ERICH6B: variants seen among roughly 807,000 people sequenced by gnomAD.
The protein encoded by ERICH6B is glutamate rich 6B, also known as glutamate-rich protein 6B.
ERICH6B carries 69 observed loss-of-function variants against 80.0 expected under a neutral mutation model. That is an observed-to-expected ratio of 0.86 (90% confidence interval 0.71 to 1.05). The LOEUF is 1.05. Ranked by LOEUF, ERICH6B falls within the 50% of genes least tolerant of loss-of-function variation. The pLI is 0.00. For missense variants in ERICH6B, 754 were observed against 796.1 expected, an observed-to-expected ratio of 0.95 and a Z score of 0.64; for synonymous variants, 283 against 291.9, an observed-to-expected ratio of 0.97 and a Z score of 0.31.
chr13:45,556,069 C>T (rs1429658955), intron 11 of ERICH6B, among the ~76,000 whole-genome samples: 4 of 151,196 alleles, frequency 2.6e-5, no homozygotes, highest in African/African-American at 4.9e-5. Flanking sequence ...TCCCTGATTA[C>T]TCTATAGGCA....
intron 5 of ERICH6B, among the ~76,000 whole-genome samples, chr13:45,582,880 C>A (rs1875732979): frequency 6.6e-6 from 1 of 152,166 alleles, no homozygotes; most frequent in South Asian, 2.1e-4. Context: ...GACCTAAAAG[C>A]CAGTATTATG....
intron 3 of ERICH6B, among the ~76,000 whole-genome samples, chr13:45,591,495 C>T (rs1032448439): frequency 6.6e-6 from 1 of 152,158 alleles, no homozygotes; most frequent in African/African-American, 2.4e-5. Context: ...ACTCGGGAGG[C>T]TGAGTCAGGA....
Position 45,550,236 on chromosome 13 carries a change from C to A in ERICH6B, c.1488G>T (p.Gln496His). ...CCCTGTGCTTCTGTGGATACTGTAT[C>A]TGGCCTGTCCCATCAGGAAAGAGAA... ...YQILFPDGTG[Q>H]IHYPSGNLAM... Residue 496 changes from glutamine (Q) to histidine (H), a missense_variant, in exon 12 of 15, where the codon CAG (glutamine) becomes CAT (histidine). Gln to His is a conservative substitution (Grantham distance 24, BLOSUM62 0). Coordinates refer to ENST00000298738, the MANE Select transcript of ERICH6B (RefSeq NM_182542.3). The A allele has an allele frequency of 1.3e-6, 2 of 1,551,338 alleles. No individual in the cohort carries two copies. Among genetic ancestry groups the A allele is most frequent in the Non-Finnish European group, 1.7e-6 (2 of 1,146,690 alleles).
intron 11 of ERICH6B, among the ~76,000 whole-genome samples, chr13:45,558,302 G>T (rs1874521385): frequency 1.3e-5 from 2 of 152,300 alleles, no homozygotes; most frequent in South Asian, 4.1e-4. Flanking sequence ...TGGAAACTTT[G>T]CTGGATTAAT....
chr13:45,567,956 AG>A (rs1874988204), intron 9 of ERICH6B, among the ~76,000 whole-genome samples: 1 of 152,230 alleles, frequency 6.6e-6, no homozygotes, highest in Non-Finnish European at 1.5e-5. Context: ...CTTAAGTGCC[AG>A]GGGTCTGAAC....
chr13:45,587,037 C>T lies in ERICH6B; in HGVS notation c.856+26G>A, dbSNP rs77488102. The T allele has an allele frequency of 4.5e-3, 6,924 of 1,546,572 alleles. 27 individuals carry two copies. The highest frequency in any genetic ancestry group is 5.3e-3 in the Non-Finnish European group (6,068 of 1,143,980). Reference sequence around the variant, plus strand: ...TGGCCCACAGAGCCCGGCTGCGCCTCACCGACAGAGCGCAGCTTCCCTCAC... The same window carrying T: ...TGGCCCACAGAGCCCGGCTGCGCCTTACCGACAGAGCGCAGCTTCCCTCAC... On this transcript the variant is annotated intron_variant, in intron 5 of 14. Transcript: ENST00000298738.
intron 2 of ERICH6B, among the ~76,000 whole-genome samples, chr13:45,601,605 G>A (rs1334289333): frequency 2.0e-5 from 3 of 152,108 alleles, no homozygotes; most frequent in East Asian, 3.9e-4. Flanking sequence ...TAGCCCAGAG[G>A]AGCATTTGTC....
At chr13:45,612,551 C>A (rs1949905811) in intron 1 of ERICH6B, among the ~76,000 whole-genome samples, 1 of 152,108 alleles carries the variant, frequency 6.6e-6, no homozygotes, top group Non-Finnish European at 1.5e-5. Flanking sequence ...TGGGCAGTCC[C>A]CACTTAATTA....
At chr13:45,568,540 G>A in intron 8 of ERICH6B, 89 bp from the exon 9 acceptor site, 3 of 1,233,410 alleles carry the variant, frequency 2.4e-6, no homozygotes, top group Non-Finnish European at 3.3e-6. Context: ...AAGGTACTGT[G>A]TGACACTTCA....
At chr13:45,585,660 C>G (rs74968527) in intron 5 of ERICH6B, among the ~76,000 whole-genome samples, 1 of 152,268 alleles carries the variant, frequency 6.6e-6, no homozygotes, top group East Asian at 1.9e-4. Context: ...CCACCAATGT[C>G]ACAATATTTG....
Position 45,541,366 on chromosome 13 carries a change from C to T in ERICH6B, c.*96G>A, listed in dbSNP as rs1327985105. ...AGGTCCCAAATTACAAACCAACTCTCATAAAAGGTCAACAGGTCTTTGGGT... is the reference window on the plus strand; with the variant it reads ...AGGTCCCAAATTACAAACCAACTCTTATAAAAGGTCAACAGGTCTTTGGGT... On this transcript the variant is annotated 3_prime_UTR_variant, in exon 15 of 15. Transcript: ENST00000298738. 4 of 1,083,826 alleles carry T rather than the reference C, an allele frequency of 3.7e-6. No homozygotes were observed. Among genetic ancestry groups the T allele is most frequent in the South Asian group, 1.6e-5 (1 of 63,122 alleles). The allele number at this position is 1,083,826 out of a possible 1,614,324, so 67.1% of individuals were successfully genotyped here.
chr13:45,580,093 G>A, intron 6 of ERICH6B, 119 bp from the exon 7 acceptor site: 1 of 848,070 alleles, frequency 1.2e-6, no homozygotes, highest in Non-Finnish European at 1.9e-6. Flanking sequence ...AAGCCTCAGG[G>A]TGGAGTGCCT....
At position 45,574,914 on chromosome 13, in the gene ERICH6B, A is replaced by G. The variant is rs1297720670; in HGVS notation, c.978T>C (p.Ser326=). ...KKEENVLEFA[S]KENFWDGITD... ...TTATACCATCCCAAAAGTTCTCTTT[A>G]GAAGCAAACTCCAGGACTTTCGATT... is the stretch of plus-strand genomic sequence containing the variant. The change falls in exon 8 of 15, where the codon TCT becomes TCC. Residue 326 remains serine, a synonymous_variant. Transcript: ENST00000298738. 1.9e-6 allele frequency: 3 copies of G among 1,551,472 alleles called. No homozygotes were observed. Among genetic ancestry groups the G allele is most frequent in the Non-Finnish European group, 2.6e-6 (3 of 1,146,924 alleles).
At chr13:45,600,302 C>T (rs1949818317) in intron 2 of ERICH6B, among the ~76,000 whole-genome samples, 1 of 152,162 alleles carries the variant, frequency 6.6e-6, no homozygotes, top group South Asian at 2.1e-4. Flanking sequence ...AGTCAGGCTC[C>T]TGAACCTTCT....
chr13:45,580,498 C>G, intron 6 of ERICH6B, 105 bp downstream of exon 6: 2 of 1,201,312 alleles, frequency 1.7e-6, no homozygotes, highest in Non-Finnish European at 1.2e-6. Context: ...AAATGGCCAA[C>G]AGCATGCTCT....
rs568414629 is a variant in ERICH6B, at chr13:45,548,389, C to T, written c.1646+1504G>A. ...GGGAGGCTTTTCCATAAAATCTTCT[C>T]CTAGGTCAATGAGACTGCAGTTTTG... On this transcript the variant is annotated intron_variant, in intron 13 of 14. Transcript: ENST00000298738. Among the ~76,000 whole-genome samples the T allele has an allele frequency of 1.7e-3, 253 of 152,312 alleles. 2 individuals are homozygous for T. The highest frequency in any genetic ancestry group is 5.2e-3 in the African/African-American group (217 of 41,574).
intron 5 of ERICH6B, among the ~76,000 whole-genome samples, chr13:45,581,561 GA>G (rs1875670128): frequency 6.6e-6 from 1 of 152,188 alleles, no homozygotes; most frequent in Admixed American, 6.5e-5. Context: ...ATTTTTAGTA[GA>G]GGCAGAGTTT....
At chr13:45,542,818 C>A (rs1462091038) in intron 14 of ERICH6B, among the ~76,000 whole-genome samples, 6 of 152,150 alleles carry the variant, frequency 3.9e-5, no homozygotes, top group African/African-American at 9.7e-5. Context: ...GCAAGGGAAC[C>A]TAGGGGGGTC....
intron 3 of ERICH6B, among the ~76,000 whole-genome samples, chr13:45,591,314 C>T (rs190911714): frequency 2.6e-5 from 4 of 152,284 alleles, no homozygotes; most frequent in African/African-American, 7.2e-5. Context: ...AATGATGTCT[C>T]GGCTGGGTGA....
Sources: gnomAD v4.1 joint callset for allele counts (sites outside exome capture counted in the v4.1 genomes callset) on GRCh38, gnomAD v4.1.1 for gene constraint, MANE v1.5 for transcripts, NCBI Gene and HGNC (gene_info 2026-07-23, HGNC 2026-07-21) for gene names.